Variants in TNIK observed in about 807,000 individuals in gnomAD.
The protein encoded by TNIK is TRAF2 and NCK interacting kinase.
Under a neutral mutation model 191.3 loss-of-function variants are expected in TNIK, and 49 were observed. That is an observed-to-expected ratio of 0.26 (90% CI 0.20 to 0.32). The LOEUF is 0.32. Among genes scored for constraint, TNIK ranks in the 10% least tolerant of loss-of-function variants. TNIK has a pLI of 1.00. For synonymous variants in TNIK, 594 were observed against 600.9 expected, an observed-to-expected ratio of 0.99 and a Z score of 0.17; for missense variants, 1,155 against 1,702.3, an observed-to-expected ratio of 0.68 and a Z score of 5.66.
In TNIK at chr3:171,306,120, C is replaced by A. The variant is rs577102795; in HGVS notation, c.123+63500G>T. 4.6e-5 allele frequency among the ~76,000 whole-genome samples: 7 copies of A among 152,184 alleles called. No individual in the cohort carries two copies. The East Asian group carries it at 1.2e-3, about 25-fold the overall frequency. Reference sequence around the variant, plus strand: ...AGGAAACTAACACAGGAACAGGAAACAAAATACCACATGTTCTCACTTATA... The same window carrying A: ...AGGAAACTAACACAGGAACAGGAAAAAAAATACCACATGTTCTCACTTATA... On this transcript the variant is annotated intron_variant, in intron 2 of 32. Transcript: ENST00000436636.
At position 171,222,312 on chromosome 3, in the gene TNIK, G is replaced by C. The variant is rs151249957; in HGVS notation, c.180+5853C>G. Among the ~76,000 whole-genome samples, 3 of 152,084 alleles carry C rather than the reference G, an allele frequency of 2.0e-5. No homozygotes were observed. In the South Asian group the frequency reaches 6.3e-4, roughly 32 times the overall value. ...CCATGAGGCTTGGGCAAGTTTCTTGGGCTCTCTGCTGTCAATTCCTTTGTA... is the reference window on the plus strand; with the variant it reads ...CCATGAGGCTTGGGCAAGTTTCTTGCGCTCTCTGCTGTCAATTCCTTTGTA... On this transcript the variant is annotated intron_variant, in intron 3 of 32. Transcript: ENST00000436636.
chr3:171,307,721 C>T (rs1753599420), intron 2 of TNIK, among the ~76,000 whole-genome samples: 1 of 152,134 alleles, frequency 6.6e-6, no homozygotes, highest in African/African-American at 2.4e-5. Flanking sequence ...TAAACATCTC[C>T]TGTCAATGGT....
chr3:171,313,261 T>C (rs1448614709), intron 2 of TNIK, among the ~76,000 whole-genome samples: 1 of 152,008 alleles, frequency 6.6e-6, no homozygotes, highest in Non-Finnish European at 1.5e-5. Flanking sequence ...TCTTTCTTTC[T>C]TTCTTTCTTT....
chr3:171,457,274 T>C (rs1286037718), intron 1 of TNIK, among the ~76,000 whole-genome samples: 2 of 152,200 alleles, frequency 1.3e-5, no homozygotes, highest in Non-Finnish European at 2.9e-5. Flanking sequence ...TTAGACTGGG[T>C]CCGGTCTGGA....
intron 2 of TNIK, among the ~76,000 whole-genome samples, chr3:171,290,474 T>G (rs1449889721): frequency 2.6e-5 from 4 of 152,216 alleles, no homozygotes; most frequent in African/African-American, 9.6e-5. Flanking sequence ...AAGGTCTCAG[T>G]AGAGTGCCTG....
intron 18 of TNIK, among the ~76,000 whole-genome samples, chr3:171,116,373 T>TA (rs1270183124): frequency 6.6e-6 from 1 of 152,262 alleles, no homozygotes; most frequent in Non-Finnish European, 1.5e-5. Context: ...TGGATTTCTT[T>TA]AAATGCTAAC....
chr3:171,304,150 C>T (rs1234663164), intron 2 of TNIK, among the ~76,000 whole-genome samples: 1 of 152,072 alleles, frequency 6.6e-6, no homozygotes, highest in Non-Finnish European at 1.5e-5. Flanking sequence ...AAGGTGGCCA[C>T]AGTCAGATGA....
chr3:171,102,082 CATCA>C (rs1723666074), intron 21 of TNIK: 1 of 154,184 alleles, frequency 6.5e-6, no homozygotes, highest in African/African-American at 2.4e-5. Flanking sequence ...TGAAATTTAC[CATCA>C]GTCAGCCATA....
chr3:171,084,115 T>C, intron 26 of TNIK, 40 bp downstream of exon 26: 1 of 1,488,016 alleles, frequency 6.7e-7, no homozygotes, highest in East Asian at 2.5e-5. Context: ...CATTAATGAG[T>C]GGTTATTTAA....
At chr3:171,164,949 T>A (rs184429213) in intron 10 of TNIK, among the ~76,000 whole-genome samples, 11 of 152,332 alleles carry the variant, frequency 7.2e-5, no homozygotes, top group African/African-American at 2.6e-4. Flanking sequence ...TATGATAGTC[T>A]AAGCTGATCA....
intron 7 of TNIK, among the ~76,000 whole-genome samples, chr3:171,183,519 T>C (rs1221857501): frequency 1.3e-5 from 2 of 152,166 alleles, no homozygotes; most frequent in South Asian, 2.1e-4. Context: ...AACATCTTAA[T>C]TGAGTGGTAA....
chr3:171,457,068 C>T (rs949478147), intron 1 of TNIK, among the ~76,000 whole-genome samples: 2 of 152,148 alleles, frequency 1.3e-5, no homozygotes, highest in African/African-American at 4.8e-5. Context: ...CAATTCCAGC[C>T]CATCCCTCAA....
intron 2 of TNIK, among the ~76,000 whole-genome samples, chr3:171,274,318 A>G (rs1285736344): frequency 6.6e-6 from 1 of 152,226 alleles, no homozygotes; most frequent in Non-Finnish European, 1.5e-5. Flanking sequence ...TTATCAAAAT[A>G]CAATTTATTG....
intron 2 of TNIK, among the ~76,000 whole-genome samples, chr3:171,303,860 G>A (rs1753137597): frequency 6.6e-6 from 1 of 152,138 alleles, no homozygotes; most frequent in Admixed American, 6.5e-5. Flanking sequence ...ATCCTCAGAG[G>A]AAGGCAACAC....
intron 22 of TNIK, among the ~76,000 whole-genome samples, chr3:171,099,886 C>G (rs996740804): frequency 2.0e-5 from 3 of 152,102 alleles, no homozygotes; most frequent in African/African-American, 7.2e-5. Context: ...GACCTAAAAC[C>G]CAAATGCTAA....
rs1024320878 is a variant in TNIK, at chr3:171,409,145, C to T, written c.58-39460G>A. 5.3e-5 allele frequency among the ~76,000 whole-genome samples: 8 copies of T among 152,034 alleles called. No homozygotes were observed. In the South Asian group the frequency reaches 1.5e-3, roughly 28 times the overall value. The stretch of plus-strand genomic sequence containing the variant: ...TACTCTTGGGTAAAATTTGAGAAAA[C>T]CAGAATTGGAAATGCTAAAGACAAA... On this transcript the variant is annotated intron_variant, in intron 1 of 32. Coordinates refer to ENST00000436636, the MANE Select transcript of TNIK (RefSeq NM_015028.4).
In TNIK at chr3:171,079,505, T is replaced by G. The variant is rs1261642515; in HGVS notation, c.3448+13A>C. The G allele has an allele frequency of 6.2e-6, 10 of 1,609,402 alleles. No individual in the cohort carries two copies. Among genetic ancestry groups the G allele is most frequent in the Non-Finnish European group, 8.5e-6 (10 of 1,178,552 alleles). ...AACAGACCAAACTTATAATTCCATGTCTTGAGACTTACCAACTTTATAATG... is the reference window on the plus strand; with the variant it reads ...AACAGACCAAACTTATAATTCCATGGCTTGAGACTTACCAACTTTATAATG... On this transcript the variant is annotated intron_variant, in intron 28 of 32. Coordinates refer to ENST00000436636, the MANE Select transcript of TNIK (RefSeq NM_015028.4).
chr3:171,078,170 A>G (rs1720229353), intron 28 of TNIK, among the ~76,000 whole-genome samples: 1 of 151,844 alleles, frequency 6.6e-6, no homozygotes, highest in Admixed American at 6.6e-5. Context: ...TCTTTCTTTC[A>G]TTTAGTATGC....
chr3:171,194,204 G>A (rs1738386834), intron 5 of TNIK, among the ~76,000 whole-genome samples: 1 of 152,142 alleles, frequency 6.6e-6, no homozygotes, highest in South Asian at 2.1e-4. Flanking sequence ...GTGGAACACT[G>A]TCTTTATGAT....
Sources: gnomAD v4.1 joint callset for allele counts (sites outside exome capture counted in the v4.1 genomes callset) on GRCh38, gnomAD v4.1.1 for gene constraint, MANE v1.5 for transcripts, NCBI Gene and HGNC (gene_info 2026-07-23, HGNC 2026-07-21) for gene names.